Variants in GIMAP8 observed in about 807,000 individuals in gnomAD.
GIMAP8 encodes the protein GTPase IMAP family member 8.
A neutral mutation model predicts 35.6 loss-of-function variants in GIMAP8; 29 were observed. That is an observed-to-expected ratio of 0.81 (90% CI 0.61 to 1.11). The LOEUF is 1.11. GIMAP8 is among the 50% of genes most tolerant of loss of function. GIMAP8 has a pLI of 0.00. For missense variants in GIMAP8, 811 were observed against 805.0 expected, an observed-to-expected ratio of 1.01 and a Z score of -0.09; for synonymous variants, 335 against 308.7, an observed-to-expected ratio of 1.09 and a Z score of -0.89.
Position 150,474,291 on chromosome 7 carries a change from G to A in GIMAP8, c.962G>A (p.Cys321Tyr). 1 of 1,614,162 alleles carries A rather than the reference G, an allele frequency of 6.2e-7. No individual in the cohort carries two copies. Among genetic ancestry groups the A allele is most frequent in the Non-Finnish European group, 8.5e-7 (1 of 1,180,006 alleles). ...NIDSEVRKHI[C>Y]TGPHAFLLVT... Reference sequence around the variant, plus strand: ...GACTCAGAAGTTAGAAAACACATCTGTACAGGCCCCCATGCCTTCCTGCTG... The same window carrying A: ...GACTCAGAAGTTAGAAAACACATCTATACAGGCCCCCATGCCTTCCTGCTG... The change falls in exon 4 of 5, where the codon TGT becomes TAT. Residue 321 changes from cysteine to tyrosine, a missense_variant. Coordinates refer to ENST00000307271, the MANE Select transcript of GIMAP8 (RefSeq NM_175571.4).
intron 1 of GIMAP8, among the ~76,000 whole-genome samples, chr7:150,462,287 G>A (rs1306158340): frequency 6.6e-6 from 1 of 152,194 alleles, no homozygotes; most frequent in Admixed American, 6.5e-5. Flanking sequence ...TGTCACAGGG[G>A]ATATGATGGC....
intron 1 of GIMAP8, among the ~76,000 whole-genome samples, chr7:150,463,915 T>A (rs754739915): frequency 1.3e-5 from 2 of 152,052 alleles, no homozygotes; most frequent in Non-Finnish European, 2.9e-5. Flanking sequence ...GGATGATATA[T>A]GTAGCATTGG....
At chr7:150,476,320 T>C (rs1306183611) in intron 4 of GIMAP8, among the ~76,000 whole-genome samples, 2 of 152,240 alleles carry the variant, frequency 1.3e-5, no homozygotes, top group African/African-American at 4.8e-5. Flanking sequence ...ACAGTGCAAG[T>C]GCAAAAGCAT....
chr7:150,478,139 A>G lies in GIMAP8; in HGVS notation c.*359A>G. On this transcript the variant is annotated 3_prime_UTR_variant, in exon 5 of 5. Transcript: ENST00000307271. ...CAAGGCTGAGGCCACCTGGGATGAG[A>G]ATATAGATAGTCGTACAACAACCCA... 4.0e-6 allele frequency: 1 copy of G among 247,550 alleles called. No individual in the cohort carries two copies. The highest frequency in any genetic ancestry group is 7.8e-6 in the Non-Finnish European group (1 of 127,662). The allele number at this position is 247,550 out of a possible 1,614,324, so 15.3% of individuals were successfully genotyped here.
intron 1 of GIMAP8, among the ~76,000 whole-genome samples, chr7:150,462,126 C>A (rs932288248): frequency 6.6e-6 from 1 of 152,082 alleles, no homozygotes; most frequent in African/African-American, 2.4e-5. Flanking sequence ...TTATAAAGAA[C>A]CTTCTTAAGG....
intron 4 of GIMAP8, among the ~76,000 whole-genome samples, chr7:150,475,976 C>T (rs543702305): frequency 5.9e-5 from 9 of 152,120 alleles, no homozygotes; most frequent in East Asian, 5.8e-4. Flanking sequence ...AAGATTAAGG[C>T]GTTGAACATT....
chr7:150,458,950 C>T (rs1232659985), intron 1 of GIMAP8, among the ~76,000 whole-genome samples: 2 of 152,196 alleles, frequency 1.3e-5, no homozygotes, highest in Admixed American at 6.5e-5. Context: ...TGTAACTAGT[C>T]ACGTGGTCAT....
intron 1 of GIMAP8, among the ~76,000 whole-genome samples, chr7:150,452,523 T>A (rs1482662025): frequency 2.0e-5 from 3 of 148,170 alleles, no homozygotes. Flanking sequence ...TCTTTTTTTC[T>A]TAAATTAATT....
intron 2 of GIMAP8, among the ~76,000 whole-genome samples, chr7:150,467,624 C>T (rs925162250): frequency 3.3e-5 from 5 of 152,192 alleles, no homozygotes; most frequent in Non-Finnish European, 7.3e-5. Flanking sequence ...CTCTCTTCCC[C>T]TGACTTCAAT....
intron 2 of GIMAP8, among the ~76,000 whole-genome samples, chr7:150,469,970 T>C (rs1209215101): frequency 6.6e-6 from 1 of 152,262 alleles, no homozygotes; most frequent in Non-Finnish European, 1.5e-5. Flanking sequence ...TGTTCATGTA[T>C]GCTTGTATGT....
At position 150,462,356 on chromosome 7, in the gene GIMAP8, C is replaced by T. The variant is rs1801860265; in HGVS notation, c.-28-4315C>T. Among the ~76,000 whole-genome samples, 4 of 152,154 alleles carry T rather than the reference C, an allele frequency of 2.6e-5. 1 individual carries two copies. Among genetic ancestry groups the T allele is most frequent in the Admixed American group, 2.6e-4 (4 of 15,274 alleles). ...CTTTATTTTACTCTTATTGTTTATC[C>T]TTGAAATTTGGTGGTTTTCTATAGT... On this transcript the variant is annotated intron_variant, in intron 1 of 4. Transcript: ENST00000307271.
intron 1 of GIMAP8, among the ~76,000 whole-genome samples, chr7:150,465,643 TAC>T (rs1475886282): frequency 6.6e-6 from 1 of 152,164 alleles, no homozygotes; most frequent in Admixed American, 6.5e-5. Flanking sequence ...GGCTGGAGCA[TAC>T]AGTGTGTTGA....
chr7:150,461,325 G>T (rs1801840336), intron 1 of GIMAP8, among the ~76,000 whole-genome samples: 1 of 152,158 alleles, frequency 6.6e-6, no homozygotes, highest in Non-Finnish European at 1.5e-5. Context: ...TGAAACTGGG[G>T]TATTAAAGTC....
intron 1 of GIMAP8, among the ~76,000 whole-genome samples, chr7:150,453,801 G>A (rs1198689209): frequency 6.6e-6 from 1 of 152,072 alleles, no homozygotes; most frequent in Admixed American, 6.6e-5. Context: ...TGTTGGGTAC[G>A]GGGCGGGGGG....
At chr7:150,464,622 G>A (rs926871707) in intron 1 of GIMAP8, among the ~76,000 whole-genome samples, 1 of 152,198 alleles carries the variant, frequency 6.6e-6, no homozygotes. Flanking sequence ...GGTTGAGGAT[G>A]TAGTGAGCTG....
chr7:150,462,749 A>G (rs1563282216), intron 1 of GIMAP8, among the ~76,000 whole-genome samples: 1 of 152,168 alleles, frequency 6.6e-6, no homozygotes. Flanking sequence ...TGAGACTTTT[A>G]TCTTGCTGTT....
chr7:150,477,501 GA>G lies in GIMAP8; in HGVS notation c.1721del (p.Asn574IlefsTer6). 1 of 1,614,184 alleles carries G rather than the reference GA, an allele frequency of 6.2e-7. No individual in the cohort carries two copies. Among genetic ancestry groups the G allele is most frequent in the East Asian group, 2.2e-5 (1 of 44,888 alleles). On this transcript the variant is annotated frameshift_variant, in exon 5 of 5. Transcript: ENST00000307271. LOFTEE classifies it low-confidence loss of function (END_TRUNC). ...FTRKEDLGAG[N>X]LEDFMKNSDN... The stretch of plus-strand genomic sequence containing the variant: ...CCCGGAAGGAAGACCTAGGGGCGGG[GA>G]ATTTGGAAGACTTCATGAAGAACTC...
chr7:150,452,675 G>GATTATATATATAT (rs1801639182), intron 1 of GIMAP8, among the ~76,000 whole-genome samples: 2 of 79,672 alleles, frequency 2.5e-5, no homozygotes, highest in African/African-American at 5.3e-5. Flanking sequence ...GTGTGTGTGA[G>GATTATATATATAT]ATATATATAT....
At position 150,474,013 on chromosome 7, in the gene GIMAP8, C is replaced by T. The variant is rs180767426; in HGVS notation, c.684C>T (p.Gly228=). The change falls in exon 4 of 5, where the codon GGC becomes GGT. Residue 228 remains glycine (G), a splice_region_variant and synonymous_variant. Coordinates refer to ENST00000307271, the MANE Select transcript of GIMAP8 (RefSeq NM_175571.4). ...AASQEGDKPQ[G]PRERQLQSTG... Reference sequence around the variant, plus strand: ...TGAACCTGTCCATTTGTCCCACAGGCCCAAGGGAAAGGCAGCTGCAGTCCA... The same window carrying T: ...TGAACCTGTCCATTTGTCCCACAGGTCCAAGGGAAAGGCAGCTGCAGTCCA... The T allele has an allele frequency of 6.8e-6, 11 of 1,610,760 alleles. No homozygotes were observed. The highest frequency in any genetic ancestry group is 8.5e-6 in the Non-Finnish European group (10 of 1,178,374).
Sources: gnomAD v4.1 joint callset for allele counts (sites outside exome capture counted in the v4.1 genomes callset) on GRCh38, gnomAD v4.1.1 for gene constraint, MANE v1.5 for transcripts, NCBI Gene and HGNC (gene_info 2026-07-23, HGNC 2026-07-21) for gene names.